Variants in ZNF561 observed in about 807,000 individuals in gnomAD.
ZNF561 encodes zinc finger protein 561.
In ZNF561, 16 loss-of-function variants were observed where a neutral mutation model predicts 16.7. That is an observed-to-expected ratio of 0.96 (90% CI 0.65 to 1.45). ZNF561 has a LOEUF of 1.45. ZNF561 is among the 40% of genes most tolerant of loss of function. ZNF561 has a pLI of 0.00. For synonymous variants in ZNF561, 190 were observed against 192.1 expected (o/e 0.99, Z 0.09); for missense variants, 580 against 578.0 (o/e 1.00, Z -0.04).
chr19:9,611,090 G>A lies in ZNF561; in HGVS notation c.571C>T (p.Leu191Phe). The A allele has an allele frequency of 6.2e-7, 1 of 1,614,102 alleles. No individual in the cohort carries two copies. Among genetic ancestry groups the A allele is most frequent in the Non-Finnish European group, 8.5e-7 (1 of 1,179,996 alleles). The change falls in exon 6 of 6, where the codon CTC becomes TTC. Residue 191 changes from leucine (L) to phenylalanine (F), a missense_variant. By Grantham distance (22) the Leu-to-Phe change is conservative. Transcript: ENST00000302851. ...CATTTGTAGGGTTGTCTTGCATTGA[G>A]AACTTCAAGATGTACAGCAAGACCT... ...TPGLAVHLEVLNARQPYKCKE... is the reference protein window; with the variant it reads ...TPGLAVHLEVFNARQPYKCKE...
In ZNF561 at chr19:9,619,563, G is replaced by T; in HGVS notation, c.-107C>A. The T allele has an allele frequency of 1.7e-6, 2 of 1,171,750 alleles. No individual in the cohort carries two copies. Among genetic ancestry groups the T allele is most frequent in the Non-Finnish European group, 2.5e-6 (2 of 798,642 alleles). The allele number at this position is 1,171,750 out of a possible 1,614,324, so 72.6% of individuals were successfully genotyped here. On this transcript the variant is annotated 5_prime_UTR_variant, in exon 2 of 6. Transcript: ENST00000302851. ...ATAGAGGCAATCTCCATTCCTCTTT[G>T]TACAGGGTTATTTGCGGTCCTGTTC...
intron 1 of ZNF561, among the ~76,000 whole-genome samples, chr19:9,619,856 T>C (rs948782285): frequency 1.6e-4 from 22 of 141,388 alleles, no homozygotes; most frequent in Non-Finnish European, 3.0e-4. Flanking sequence ...TCTATATCTA[T>C]CTATATTTAT....
At chr19:9,618,441 T>G (rs967554633) in intron 2 of ZNF561, among the ~76,000 whole-genome samples, 7 of 152,162 alleles carry the variant, frequency 4.6e-5, no homozygotes, top group African/African-American at 1.7e-4. Flanking sequence ...AAAATGTGAC[T>G]CTCGTCCAGG....
intron 5 of ZNF561, among the ~76,000 whole-genome samples, chr19:9,613,757 T>C (rs1185004722): frequency 6.6e-6 from 1 of 152,168 alleles, no homozygotes; most frequent in African/African-American, 2.4e-5. Context: ...CCTCAAGTGA[T>C]CCACCCATCT....
chr19:9,609,199 G>A lies in ZNF561; in HGVS notation c.*1001C>T, dbSNP rs1192301404. On this transcript the variant is annotated 3_prime_UTR_variant, in exon 6 of 6. Transcript: ENST00000302851. The stretch of plus-strand genomic sequence containing the variant: ...ACTTTTAGCTAATCTATAATCTATA[G>A]AAATAATGTTTATCACAGGCTTACT... 6.6e-6 allele frequency: 1 copy of A among 152,172 alleles called. No individual in the cohort carries two copies. The highest frequency in any genetic ancestry group is 1.5e-5 in the Non-Finnish European group (1 of 68,032). The allele number at this position is 152,172 out of a possible 1,614,324, so 9.4% of individuals were successfully genotyped here.
rs1210213566 is a variant in ZNF561, at chr19:9,616,980, G to A, written c.241+65C>T. 2.6e-6 allele frequency: 4 copies of A among 1,515,626 alleles called. No homozygotes were observed. The African/African-American group carries it at 4.1e-5, about 16-fold the overall frequency. 93.9% of individuals were successfully genotyped at this position (1,515,626 alleles called of 1,614,324 possible). On this transcript the variant is annotated intron_variant, in intron 4 of 5. Coordinates refer to ENST00000302851, the MANE Select transcript of ZNF561 (RefSeq NM_152289.3). ...AGGCTCCAGCGATTCTCCCACCTCA[G>A]CCTCCCAAGTATCTGGGACTACAGG...
At chr19:9,617,339 T>C (rs1301319666) in intron 3 of ZNF561, 168 bp from the exon 4 acceptor site, 1 of 1,286,634 alleles carries the variant, frequency 7.8e-7, no homozygotes, top group Non-Finnish European at 9.9e-7. Context: ...ACACTCAAGG[T>C]TGACCTCCTA....
intron 5 of ZNF561, among the ~76,000 whole-genome samples, chr19:9,613,705 T>C (rs1340908481): frequency 6.6e-6 from 1 of 152,102 alleles, no homozygotes; most frequent in Non-Finnish European, 1.5e-5. Context: ...TTAGTAGAGA[T>C]GGAGTTTCAC....
chr19:9,619,877 C>CTATCTATCTATA (rs149650810), intron 1 of ZNF561, among the ~76,000 whole-genome samples: 128,854 of 148,608 alleles, frequency 0.87, 56,400 homozygotes, highest in East Asian at 0.98. Flanking sequence ...CTATCTATAT[C>CTATCTATCTATA]TATCTATCTA....
In ZNF561 at chr19:9,609,687, G is replaced by C. The variant is rs1178971961; in HGVS notation, c.*513C>G. ...ACAGGCAAGGCTGTCACACTTCTTA[G>C]ATTTTACAAGGGGACACAGAAATAA... On this transcript the variant is annotated 3_prime_UTR_variant, in exon 6 of 6. Transcript: ENST00000302851. 6.5e-6 allele frequency: 1 copy of C among 154,042 alleles called. No homozygotes were observed. The highest frequency in any genetic ancestry group is 1.9e-4 in the East Asian group (1 of 5,214). 9.5% of individuals were successfully genotyped at this position (154,042 alleles called of 1,614,324 possible).
In ZNF561 at chr19:9,610,429, T is replaced by C; in HGVS notation, c.1232A>G (p.His411Arg). ...TFITSSRRSK[H>R]LKTHSGEKPF... ...CTTTTCTCCACTATGAGTTTTCAAA[T>C]GTTTACTACGACGGGAAGAAGTAAT... is the stretch of plus-strand genomic sequence containing the variant. The change falls in exon 6 of 6, where the codon CAT becomes CGT. Residue 411 changes from histidine to arginine, a missense_variant. Physicochemically the swap from His to Arg is conservative, Grantham distance 29. Coordinates refer to ENST00000302851, the MANE Select transcript of ZNF561 (RefSeq NM_152289.3). The C allele has an allele frequency of 1.9e-6, 3 of 1,611,872 alleles. No individual in the cohort carries two copies. Among genetic ancestry groups the C allele is most frequent in the Non-Finnish European group, 2.5e-6 (3 of 1,178,314 alleles).
rs772264584 is a variant in ZNF561, at chr19:9,611,285, C to T, written c.376G>A (p.Val126Ile). ...TTAAGGCAAAACTGTTCCCTGAAGA[C>T]CTCTCCACAATTCTTACAGTCACAG... ...KLCDCKNCGE[V>I]FREQFCLKTH... The change falls in exon 6 of 6, where the codon GTC becomes ATC. Residue 126 changes from valine (V) to isoleucine (I), a missense_variant. By Grantham distance (29) the Val-to-Ile change is conservative. Coordinates refer to ENST00000302851, the MANE Select transcript of ZNF561 (RefSeq NM_152289.3). The T allele has an allele frequency of 1.2e-6, 2 of 1,613,796 alleles. No individual in the cohort carries two copies. Among genetic ancestry groups the T allele is most frequent in the African/African-American group, 2.7e-5 (2 of 74,918 alleles).
chr19:9,619,637 T>C (rs755268115), intron 1 of ZNF561, 55 bp from the exon 2 acceptor site: 121 of 503,914 alleles, frequency 2.4e-4, no homozygotes, highest in Non-Finnish European at 3.7e-4. Flanking sequence ...TCAAACATTA[T>C]GCCTGAGCTT....
Position 9,610,267 on chromosome 19 carries a change from C to T in ZNF561, c.1394G>A (p.Ser465Asn). 1 of 1,613,840 alleles carries T rather than the reference C, an allele frequency of 6.2e-7. No homozygotes were observed. The highest frequency in any genetic ancestry group is 8.5e-7 in the Non-Finnish European group (1 of 1,179,864). Reference sequence around the variant, plus strand: ...CCCAGTGTGAATTCTTTCATGTCTACTTAGGCGTGAGGAAACAGCAAATGC... The same window carrying T: ...CCCAGTGTGAATTCTTTCATGTCTATTTAGGCGTGAGGAAACAGCAAATGC... ...GKAFAVSSRL[S>N]RHERIHTGEK... is the part of the protein sequence containing the mutation. Residue 465 changes from serine to asparagine, a missense_variant, in exon 6 of 6, where the codon AGT becomes AAT. By Grantham distance (46) the Ser-to-Asn change is conservative (BLOSUM62 1). Transcript: ENST00000302851.
Position 9,615,300 on chromosome 19 carries a change from G to C in ZNF561, c.242-1197C>G, listed in dbSNP as rs377297726. 4.3e-4 allele frequency among the ~76,000 whole-genome samples: 66 copies of C among 151,826 alleles called. No individual in the cohort carries two copies. The East Asian group carries it at 0.012, about 27-fold the overall frequency. Reference sequence around the variant, plus strand: ...GTAAAGCACTAAAACTTTTATTTCAGTAAGAAATAAAGTAGGCTGGGTGTG... The same window carrying C: ...GTAAAGCACTAAAACTTTTATTTCACTAAGAAATAAAGTAGGCTGGGTGTG... On this transcript the variant is annotated intron_variant, in intron 4 of 5. Coordinates refer to ENST00000302851, the MANE Select transcript of ZNF561 (RefSeq NM_152289.3).
intron 5 of ZNF561, among the ~76,000 whole-genome samples, chr19:9,613,087 A>T (rs574732861): frequency 6.6e-6 from 1 of 152,184 alleles, no homozygotes; most frequent in Non-Finnish European, 1.5e-5. Flanking sequence ...CATTGCACCC[A>T]GTCAAATAGT....
chr19:9,617,112 C>T lies in ZNF561; in HGVS notation c.174G>A (p.Leu58=). ...TGTAGAGGTATTTCTCAGTTGTGTC[C>T]AGTAAAGCCCACTCCTCTGGGGTGA... is the stretch of plus-strand genomic sequence containing the variant. ...VDFTPEEWAL[L]DTTEKYLYRD... is the part of the protein sequence containing the mutation. Residue 58 remains leucine (L), a synonymous_variant, in exon 4 of 6, where the codon CTG becomes CTA. Transcript: ENST00000302851. The T allele has an allele frequency of 6.2e-7, 1 of 1,613,718 alleles. No individual in the cohort carries two copies. The highest frequency in any genetic ancestry group is 8.5e-7 in the Non-Finnish European group (1 of 1,179,764).
chr19:9,618,856 C>T (rs568462517), intron 2 of ZNF561, among the ~76,000 whole-genome samples: 1 of 152,294 alleles, frequency 6.6e-6, no homozygotes, highest in Admixed American at 6.5e-5. Flanking sequence ...GTGGCTCATG[C>T]CTGTAATCCC....
Position 9,610,127 on chromosome 19 carries a change from T to C in ZNF561, c.*73A>G. 7.3e-7 allele frequency: 1 copy of C among 1,371,884 alleles called. No individual in the cohort carries two copies. Among genetic ancestry groups the C allele is most frequent in the Non-Finnish European group, 9.8e-7 (1 of 1,019,508 alleles). 85.0% of individuals were successfully genotyped at this position (1,371,884 alleles called of 1,614,324 possible). Reference sequence around the variant, plus strand: ...GGCCAATCCATGAGTCATTACAACCTCCAAAAGGCATTTAGGACAAATCTG... The same window carrying C: ...GGCCAATCCATGAGTCATTACAACCCCCAAAAGGCATTTAGGACAAATCTG... On this transcript the variant is annotated 3_prime_UTR_variant, in exon 6 of 6. Coordinates refer to ENST00000302851, the MANE Select transcript of ZNF561 (RefSeq NM_152289.3).
Sources: gnomAD v4.1 joint callset for allele counts (sites outside exome capture counted in the v4.1 genomes callset) on GRCh38, gnomAD v4.1.1 for gene constraint, MANE v1.5 for transcripts, NCBI Gene and HGNC (gene_info 2026-07-23, HGNC 2026-07-21) for gene names.